The following GSG1L variants were observed in gnomAD, a reference collection of about 807,000 sequenced individuals.
GSG1L encodes GSG1 like.
In GSG1L, 24 loss-of-function variants were observed where a neutral mutation model predicts 42.1. The ratio of observed to expected loss-of-function variants is 0.57; its 90% CI spans 0.41 to 0.80. GSG1L has a LOEUF of 0.80. Ranked by LOEUF, GSG1L falls within the 30% of genes least tolerant of loss-of-function variation. The pLI, the probability that GSG1L is intolerant of heterozygous loss-of-function variation, is 0.00. For missense variants in GSG1L, 445 were observed against 472.2 expected (o/e 0.94, Z 0.53); for synonymous variants, 215 against 203.5 (o/e 1.06, Z -0.48).
At chr16:27,866,032 C>G (rs1057269921) in intron 3 of GSG1L, among the ~76,000 whole-genome samples, 6 of 152,040 alleles carry the variant, frequency 3.9e-5, no homozygotes, top group African/African-American at 7.2e-5. Context: ...TTCTCTCTCT[C>G]TGTGTCTCTC....
chr16:28,042,541 A>G (rs1274936060), intron 1 of GSG1L, among the ~76,000 whole-genome samples: 1 of 152,184 alleles, frequency 6.6e-6, no homozygotes. Context: ...ATATGTCAGG[A>G]AGATTCCATT....
chr16:27,979,687 G>GAAAGAAAGA (rs778442144), intron 1 of GSG1L, among the ~76,000 whole-genome samples: 16 of 24,660 alleles, frequency 6.5e-4, no homozygotes, highest in South Asian at 2.5e-3. Context: ...GAGAAAGAAA[G>GAAAGAAAGA]AAGGAAGGAA....
intron 2 of GSG1L, among the ~76,000 whole-genome samples, chr16:27,920,803 G>A (rs960223694): frequency 7.2e-5 from 11 of 152,194 alleles, no homozygotes; most frequent in Non-Finnish European, 1.3e-4. Flanking sequence ...GGCACAGCAG[G>A]CGTGTCCAGA....
At chr16:27,881,041 CA>C (rs1290962498) in intron 3 of GSG1L, among the ~76,000 whole-genome samples, 1 of 152,084 alleles carries the variant, frequency 6.6e-6, no homozygotes, top group African/African-American at 2.4e-5. Flanking sequence ...TCTCCCAGGT[CA>C]GGGTCCCTCT....
chr16:27,794,344 T>G (rs1280440190), intron 6 of GSG1L, among the ~76,000 whole-genome samples: 1 of 151,946 alleles, frequency 6.6e-6, no homozygotes, highest in African/African-American at 2.4e-5. Flanking sequence ...CTTTTTTTTT[T>G]TTTTGAAACG....
At chr16:27,858,922 GAAGGTGACATTT>G (rs1412082136) in intron 3 of GSG1L, among the ~76,000 whole-genome samples, 1 of 152,240 alleles carries the variant, frequency 6.6e-6, no homozygotes, top group Non-Finnish European at 1.5e-5. Context: ...GCCTCCCTGA[GAAGGTGACATTT>G]AAGCTGAGAC....
chr16:27,888,020 C>T (rs768131683), intron 2 of GSG1L: 174 of 837,808 alleles, frequency 2.1e-4, no homozygotes, highest in Non-Finnish European at 2.4e-4. Context: ...GGAGGGTGGC[C>T]GCCCCCAGGA....
At chr16:27,897,349 A>G (rs1364889759) in intron 2 of GSG1L, among the ~76,000 whole-genome samples, 1 of 152,100 alleles carries the variant, frequency 6.6e-6, no homozygotes, top group East Asian at 1.9e-4. Flanking sequence ...CCCAGGCTGG[A>G]GTGCAGTGGT....
In GSG1L at chr16:27,984,661, A is replaced by AT. The variant is rs920464333; in HGVS notation, c.350-21459dup. Among the ~76,000 whole-genome samples the AT allele has an allele frequency of 7.9e-5, 12 of 151,740 alleles. No homozygotes were observed. The South Asian group carries it at 2.1e-3, about 26-fold the overall frequency. ...GGAAGGCCTTTATCCTGTTTCTGGC[A>AT]TTTTTTTTCAGTCGACTGAAACACC... On this transcript the variant is annotated intron_variant, in intron 1 of 6. Coordinates refer to ENST00000447459, the MANE Select transcript of GSG1L (RefSeq NM_001109763.2).
At chr16:27,876,424 T>C (rs1336176296) in intron 3 of GSG1L, among the ~76,000 whole-genome samples, 1 of 152,182 alleles carries the variant, frequency 6.6e-6, no homozygotes, top group Non-Finnish European at 1.5e-5. Context: ...GTGTCATGAT[T>C]GAACACAGAA....
chr16:28,010,173 A>C lies in GSG1L; in HGVS notation c.350-46970T>G, dbSNP rs529516690. On this transcript the variant is annotated intron_variant, in intron 1 of 6. Coordinates refer to ENST00000447459, the MANE Select transcript of GSG1L (RefSeq NM_001109763.2). Reference sequence around the variant, plus strand: ...ATGCCAGATGCACCGTGTCACCTGCACTGTGCAATGGAACCTCCCACGGAT... The same window carrying C: ...ATGCCAGATGCACCGTGTCACCTGCCCTGTGCAATGGAACCTCCCACGGAT... Among the ~76,000 whole-genome samples, 3 of 152,260 alleles carry C rather than the reference A, an allele frequency of 2.0e-5. No individual in the cohort carries two copies. In the East Asian group the frequency reaches 5.8e-4, roughly 30 times the overall value.
At chr16:27,986,901 T>C (rs573556475) in intron 1 of GSG1L, among the ~76,000 whole-genome samples, 10 of 152,246 alleles carry the variant, frequency 6.6e-5, no homozygotes, top group Non-Finnish European at 1.3e-4. Flanking sequence ...GAGACTAAAT[T>C]AGAAGCTAAC....
chr16:27,813,774 C>A (rs2083060523), intron 5 of GSG1L, among the ~76,000 whole-genome samples: 1 of 152,186 alleles, frequency 6.6e-6, no homozygotes, highest in South Asian at 2.1e-4. Context: ...GGCTCCCTGG[C>A]AGGAAACACG....
intron 5 of GSG1L, among the ~76,000 whole-genome samples, chr16:27,820,416 G>A (rs1275129840): frequency 2.0e-5 from 3 of 152,076 alleles, no homozygotes; most frequent in African/African-American, 7.2e-5. Context: ...CCAGGCTGCC[G>A]AGAGCTGCTT....
chr16:27,803,467 T>G (rs192752457), intron 6 of GSG1L, among the ~76,000 whole-genome samples: 1 of 152,132 alleles, frequency 6.6e-6, no homozygotes, highest in East Asian at 1.9e-4. Context: ...TTGTCTCCCT[T>G]CTTAGTCTCT....
chr16:27,798,081 T>C (rs1023314447), intron 6 of GSG1L, among the ~76,000 whole-genome samples: 2 of 152,136 alleles, frequency 1.3e-5, no homozygotes, highest in Non-Finnish European at 2.9e-5. Flanking sequence ...GGGTACGTTG[T>C]TCACTATTCA....
intron 1 of GSG1L, among the ~76,000 whole-genome samples, chr16:27,997,143 T>C (rs993043592): frequency 3.9e-5 from 6 of 152,018 alleles, no homozygotes; most frequent in Admixed American, 2.6e-4. Context: ...CCACATCCCC[T>C]AGAGGAGGCT....
chr16:28,060,568 G>A (rs1396758378), intron 1 of GSG1L, among the ~76,000 whole-genome samples: 1 of 152,126 alleles, frequency 6.6e-6, no homozygotes, highest in East Asian at 1.9e-4. Flanking sequence ...TTGGGAGTGA[G>A]GGTCTTAACT....
At chr16:27,873,955 A>T (rs1166199974) in intron 3 of GSG1L, among the ~76,000 whole-genome samples, 1 of 152,180 alleles carries the variant, frequency 6.6e-6, no homozygotes, top group African/African-American at 2.4e-5. Flanking sequence ...TTAGTCCCCA[A>T]ACAGGGAAGA....
Sources: gnomAD v4.1 joint callset for allele counts (sites outside exome capture counted in the v4.1 genomes callset) on GRCh38, gnomAD v4.1.1 for gene constraint, MANE v1.5 for transcripts, NCBI Gene and HGNC (gene_info 2026-07-23, HGNC 2026-07-21) for gene names.